The following PTPRA variants were observed in gnomAD, a reference collection of about 807,000 sequenced individuals.
The protein encoded by PTPRA is protein tyrosine phosphatase receptor type A, also known as receptor-type tyrosine-protein phosphatase alpha.
Under a neutral mutation model 104.8 loss-of-function variants are expected in PTPRA, and 25 were observed. The observed-to-expected ratio is 0.24, with a 90% confidence interval of 0.17 to 0.33. PTPRA has a LOEUF of 0.33. Ranked by LOEUF, PTPRA falls within the 10% of genes least tolerant of loss-of-function variation. PTPRA has a pLI of 1.00. For synonymous variants in PTPRA, 323 were observed against 368.9 expected, an observed-to-expected ratio of 0.88 and a Z score of 1.43; for missense variants, 765 against 1,015.3, an observed-to-expected ratio of 0.75 and a Z score of 3.35.
At chr20:2,896,012 A>G (rs1228619911) in intron 1 of PTPRA, among the ~76,000 whole-genome samples, 2 of 151,826 alleles carry the variant, frequency 1.3e-5, no homozygotes, top group African/African-American at 4.8e-5. Flanking sequence ...AGTGTCTCTT[A>G]TTTTCAAATA....
intron 1 of PTPRA, among the ~76,000 whole-genome samples, chr20:2,902,154 G>C (rs1169790150): frequency 6.6e-6 from 1 of 151,986 alleles, no homozygotes; most frequent in African/African-American, 2.4e-5. Flanking sequence ...CAAAGTGCAG[G>C]GATTACAGGT....
intron 2 of PTPRA, 130 bp from the exon 3 acceptor site, chr20:2,947,852 G>GTTA (rs1274587593): frequency 7.2e-6 from 3 of 413,980 alleles, no homozygotes; most frequent in Non-Finnish European, 1.3e-5. Flanking sequence ...CAAAGTTTAA[G>GTTA]AAGTGTTCAT....
At chr20:2,927,573 C>T (rs780555172) in intron 2 of PTPRA, among the ~76,000 whole-genome samples, 11 of 152,194 alleles carry the variant, frequency 7.2e-5, no homozygotes, top group Admixed American at 1.3e-4. Context: ...CACTCCAATC[C>T]GAGACCAGTG....
At chr20:2,940,974 T>G (rs2060890341) in intron 2 of PTPRA, among the ~76,000 whole-genome samples, 1 of 152,166 alleles carries the variant, frequency 6.6e-6, no homozygotes, top group South Asian at 2.1e-4. Flanking sequence ...TAGGTATTTG[T>G]GAGATATTTC....
Position 2,989,745 on chromosome 20 carries a change from C to T in PTPRA, c.738+1271C>T, listed in dbSNP as rs185293802. 2.8e-3 allele frequency among the ~76,000 whole-genome samples: 419 copies of T among 152,248 alleles called. 2 individuals carry two copies. The highest frequency in any genetic ancestry group is 9.9e-3 in the East Asian group (51 of 5,146). On this transcript the variant is annotated intron_variant, in intron 9 of 23. Coordinates refer to ENST00000399903, the MANE Select transcript of PTPRA (RefSeq NM_001385305.1). ...CTTGAAAAAATGACTCAGCTGGGCA[C>T]GGTGGCTCACGCCTGTAATCCCAGC...
At chr20:3,003,799 A>G (rs373679805) in intron 9 of PTPRA, among the ~76,000 whole-genome samples, 6 of 142,270 alleles carry the variant, frequency 4.2e-5, no homozygotes, top group East Asian at 4.1e-4. Context: ...TCCCACCTCT[A>G]CCTCCCAAAG....
chr20:2,975,899 T>C (rs2062412952), intron 6 of PTPRA, among the ~76,000 whole-genome samples: 1 of 152,248 alleles, frequency 6.6e-6, no homozygotes, highest in African/African-American at 2.4e-5. Context: ...GTTTTAAAAA[T>C]GTTACTATTC....
At chr20:2,910,578 G>GTTTTTTT (rs1245304127) in intron 1 of PTPRA, among the ~76,000 whole-genome samples, 3 of 32,424 alleles carry the variant, frequency 9.3e-5, no homozygotes, top group African/African-American at 3.4e-4. Flanking sequence ...TGCCCAGCTA[G>GTTTTTTT]TTTTTTTTTT....
intron 1 of PTPRA, among the ~76,000 whole-genome samples, chr20:2,902,892 ATAT>A (rs1377199473): frequency 6.6e-6 from 1 of 152,196 alleles, no homozygotes; most frequent in Non-Finnish European, 1.5e-5. Flanking sequence ...AAAATATGAA[ATAT>A]TATGACTCCA....
At chr20:3,024,338 T>G in intron 16 of PTPRA, 134 bp from the exon 17 acceptor site, 1 of 951,892 alleles carries the variant, frequency 1.1e-6, no homozygotes, top group Non-Finnish European at 1.6e-6. Flanking sequence ...ATTGGGATAA[T>G]AAGAGGGAGT....
At position 3,025,479 on chromosome 20, in the gene PTPRA, C is replaced by G. The variant is rs146643736; in HGVS notation, c.1614+858C>G. On this transcript the variant is annotated intron_variant, in intron 17 of 23. Transcript: ENST00000399903. ...AAAAAAAAAAAAAAAAAAGTGCTTTCTCAGAAGCAGGAGATTCTGGGTTGG... is the reference window on the plus strand; with the variant it reads ...AAAAAAAAAAAAAAAAAAGTGCTTTGTCAGAAGCAGGAGATTCTGGGTTGG... 8.7e-3 allele frequency among the ~76,000 whole-genome samples: 1,271 copies of G among 146,648 alleles called. 17 individuals are homozygous for G. The highest frequency in any genetic ancestry group is 0.031 in the African/African-American group (1,220 of 39,364).
intron 10 of PTPRA, among the ~76,000 whole-genome samples, chr20:3,006,501 G>A (rs535391637): frequency 9.7e-4 from 148 of 152,272 alleles, no homozygotes; most frequent in African/African-American, 3.4e-3. Flanking sequence ...ATATTTCAGG[G>A]TATATCATAC....
intron 13 of PTPRA, among the ~76,000 whole-genome samples, chr20:3,020,177 C>T (rs906999731): frequency 6.6e-6 from 1 of 152,188 alleles, no homozygotes; most frequent in African/African-American, 2.4e-5. Context: ...GGTGCCATCT[C>T]GGCTCACTGC....
At chr20:2,911,193 GGT>G (rs1359472467) in intron 1 of PTPRA, among the ~76,000 whole-genome samples, 2 of 152,048 alleles carry the variant, frequency 1.3e-5, no homozygotes, top group Non-Finnish European at 2.9e-5. Flanking sequence ...TTCTGCTTTT[GGT>G]AGGATTCCAG....
At chr20:3,020,347 C>G (rs1427982471) in intron 13 of PTPRA, among the ~76,000 whole-genome samples, 1 of 152,026 alleles carries the variant, frequency 6.6e-6, no homozygotes, top group Non-Finnish European at 1.5e-5. Flanking sequence ...ATCCACCCAC[C>G]TCGGCCTCCC....
At chr20:2,924,044 T>C (rs1044888054) in intron 2 of PTPRA, among the ~76,000 whole-genome samples, 3 of 152,184 alleles carry the variant, frequency 2.0e-5, no homozygotes, top group Non-Finnish European at 4.4e-5. Flanking sequence ...CACATACAAA[T>C]GTTCACTGCA....
chr20:3,001,836 C>A (rs6051522), intron 9 of PTPRA, among the ~76,000 whole-genome samples: 3,854 of 152,218 alleles, frequency 0.025, 143 homozygotes, highest in African/African-American at 0.075. Flanking sequence ...ATTTTGAGGT[C>A]CTAATTTCCC....
At position 3,008,774 on chromosome 20, in the gene PTPRA, G is replaced by A. The variant is rs549661534; in HGVS notation, c.906+1354G>A. ...AAAAAAAAAAACAACTTAGCCGGGC[G>A]TGGTGGCAGGCGCCTGTAATCCCAG... On this transcript the variant is annotated intron_variant, in intron 11 of 23. Coordinates refer to ENST00000399903, the MANE Select transcript of PTPRA (RefSeq NM_001385305.1). 2.6e-3 allele frequency among the ~76,000 whole-genome samples: 395 copies of A among 151,052 alleles called. 2 individuals are homozygous for A. Among genetic ancestry groups the A allele is most frequent in the African/African-American group, 9.0e-3 (371 of 41,172 alleles).
rs59358849 is a variant in PTPRA at position 3,003,700 on chromosome 20, A to AT, written c.739-1333dup. Among the ~76,000 whole-genome samples, 587 of 105,518 alleles carry AT rather than the reference A, an allele frequency of 5.6e-3. 8 individuals are homozygous for AT. In the Middle Eastern group the frequency reaches 0.071, roughly 13 times the overall value. 69.2% of individuals were successfully genotyped at this position (105,518 alleles called of 152,430 possible). A position where few individuals can be genotyped will look rare whatever the true frequency, so the allele number is the denominator to read the frequency against. On this transcript the variant is annotated intron_variant, in intron 9 of 23. Transcript: ENST00000399903. Reference sequence around the variant, plus strand: ...CAGGCATGCACCACCATACCTGGCTATTTTTTTTTTTTTTTTTTTTTTTAA... The same window carrying AT: ...CAGGCATGCACCACCATACCTGGCTATTTTTTTTTTTTTTTTTTTTTTTTAA...
Sources: allele counts gnomAD v4.1 joint callset (sites outside exome capture counted in the v4.1 genomes callset), GRCh38; gene constraint gnomAD v4.1.1; transcripts MANE v1.5; gene names NCBI Gene and HGNC (gene_info 2026-07-23, HGNC 2026-07-21).